TMEM132C: variants seen among roughly 807,000 people sequenced by gnomAD.
The protein encoded by TMEM132C is transmembrane protein 132C.
TMEM132C carries 29 observed loss-of-function variants against 61.4 expected under a neutral mutation model. The observed-to-expected ratio is 0.47, with a 90% CI of 0.35 to 0.64. TMEM132C has a LOEUF of 0.64. Among genes scored for constraint, TMEM132C ranks in the 30% least tolerant of loss-of-function variants. The pLI is 0.00. For missense variants in TMEM132C, 1,408 were observed against 1,476.9 expected (o/e 0.95, Z 0.76); for synonymous variants, 656 against 633.1 (o/e 1.04, Z -0.54).
chr12:128,472,211 G>T (rs528871857), intron 2 of TMEM132C, among the ~76,000 whole-genome samples: 17 of 152,074 alleles, frequency 1.1e-4, no homozygotes, highest in African/African-American at 4.1e-4. Flanking sequence ...CTATATTGAT[G>T]TTTGACACCA....
intron 1 of TMEM132C, among the ~76,000 whole-genome samples, chr12:128,270,770 T>C (rs149605128): frequency 4.9e-4 from 75 of 152,336 alleles, no homozygotes; most frequent in African/African-American, 1.7e-3. Context: ...CCTTACTGTG[T>C]TTTAGCCTCT....
chr12:128,512,516 C>A (rs1264707926), intron 2 of TMEM132C, among the ~76,000 whole-genome samples: 1 of 152,166 alleles, frequency 6.6e-6, no homozygotes, highest in Non-Finnish European at 1.5e-5. Flanking sequence ...GCAAGAGAAC[C>A]TGGGTGTTTC....
chr12:128,515,750 G>C (rs563030259), intron 2 of TMEM132C, among the ~76,000 whole-genome samples: 1 of 152,186 alleles, frequency 6.6e-6, no homozygotes, highest in South Asian at 2.1e-4. Context: ...CAGGAGAATG[G>C]CGTGAACCCG....
chr12:128,464,497 C>A (rs1029431764), intron 2 of TMEM132C, among the ~76,000 whole-genome samples: 3 of 152,148 alleles, frequency 2.0e-5, no homozygotes, highest in African/African-American at 4.8e-5. Context: ...CCTGTAATCC[C>A]AGGACTTTGG....
intron 2 of TMEM132C, among the ~76,000 whole-genome samples, chr12:128,417,158 T>C (rs1381578253): frequency 6.6e-6 from 1 of 152,188 alleles, no homozygotes; most frequent in Non-Finnish European, 1.5e-5. Context: ...AGTTTAATTT[T>C]TGGTAAGTCC....
intron 2 of TMEM132C, among the ~76,000 whole-genome samples, chr12:128,538,289 T>A (rs1873607724): frequency 7.3e-6 from 1 of 136,936 alleles, no homozygotes; most frequent in Admixed American, 7.3e-5. Context: ...CCTGGTTAAT[T>A]TTTTTTGTAT....
At position 128,705,341 on chromosome 12, in the gene TMEM132C, C is replaced by A. The variant is rs576931318; in HGVS notation, c.2373C>A (p.Gly791=). 1 of 1,551,412 alleles carries A rather than the reference C, an allele frequency of 6.4e-7. No homozygotes were observed. Among genetic ancestry groups the A allele is most frequent in the African/African-American group, 1.4e-5 (1 of 73,158 alleles). The part of the protein sequence containing the change: ...KSKRKSILAV[G]VGNVRVKFGQ... Reference sequence around the variant, plus strand: ...AACGCAAGAGCATCCTGGCTGTGGGCGTCGGCAACGTCAGGGTCAAGTTCG... The same window carrying A: ...AACGCAAGAGCATCCTGGCTGTGGGAGTCGGCAACGTCAGGGTCAAGTTCG... The change falls in exon 9 of 9, where the codon GGC becomes GGA. Residue 791 remains glycine (G), a synonymous_variant. Coordinates refer to ENST00000435159, the MANE Select transcript of TMEM132C (RefSeq NM_001136103.3).
chr12:128,623,333 A>G (rs1487866131), intron 4 of TMEM132C, among the ~76,000 whole-genome samples: 1 of 152,140 alleles, frequency 6.6e-6, no homozygotes, highest in African/African-American at 2.4e-5. Flanking sequence ...CTTAGAAAGT[A>G]AAGCTATGTT....
intron 1 of TMEM132C, among the ~76,000 whole-genome samples, chr12:128,327,211 T>A (rs1335421540): frequency 6.7e-6 from 1 of 150,088 alleles, no homozygotes; most frequent in Admixed American, 6.6e-5. Context: ...TCAGTTGTGA[T>A]GAAAATTAAA....
chr12:128,359,879 T>G (rs1183611727), intron 1 of TMEM132C, among the ~76,000 whole-genome samples: 5 of 152,224 alleles, frequency 3.3e-5, no homozygotes, highest in Admixed American at 2.0e-4. Flanking sequence ...ATAAAACTAA[T>G]TTGAAGCATG....
At chr12:128,655,263 C>A (rs1392387673) in intron 4 of TMEM132C, among the ~76,000 whole-genome samples, 1 of 152,098 alleles carries the variant, frequency 6.6e-6, no homozygotes, top group Non-Finnish European at 1.5e-5. Context: ...CCGCACTGTG[C>A]GGCACAGCCG....
chr12:128,526,956 C>T (rs1873106812), intron 2 of TMEM132C, among the ~76,000 whole-genome samples: 1 of 152,146 alleles, frequency 6.6e-6, no homozygotes, highest in South Asian at 2.1e-4. Context: ...ATAGAAAACA[C>T]CTAGACAGTG....
intron 1 of TMEM132C, among the ~76,000 whole-genome samples, chr12:128,344,919 G>A (rs1176451244): frequency 6.8e-6 from 1 of 147,790 alleles, no homozygotes; most frequent in African/African-American, 2.6e-5. Flanking sequence ...TAAAAAAGAT[G>A]AGTTTCTTTT....
chr12:128,510,823 C>T (rs1030635254), intron 2 of TMEM132C, among the ~76,000 whole-genome samples: 9 of 152,220 alleles, frequency 5.9e-5, no homozygotes, highest in Admixed American at 2.6e-4. Context: ...AGGGCAGCCT[C>T]GCCTGGCGAG....
At chr12:128,677,123 G>C (rs559740757) in intron 5 of TMEM132C, among the ~76,000 whole-genome samples, 1 of 152,286 alleles carries the variant, frequency 6.6e-6, no homozygotes, top group South Asian at 2.1e-4. Flanking sequence ...CTCATCTATG[G>C]GGTCCAAGCT....
rs373791897 is a variant in TMEM132C, at chr12:128,415,056, G to A, written c.410G>A (p.Arg137Gln). Reference protein sequence around the residue: ...FDWKLKAHILRDKVYLSRPKV... With the variant: ...FDWKLKAHILQDKVYLSRPKV... ...TGGAAACTAAAAGCCCACATCCTGC[G>A]GGACAAAGTCTACCTGAGCCGGCCC... The change falls in exon 2 of 9, where the codon CGG (arginine) becomes CAG (glutamine). Residue 137 changes from arginine (R) to glutamine (Q), a missense_variant. Coordinates refer to ENST00000435159, the MANE Select transcript of TMEM132C (RefSeq NM_001136103.3). This position sits in a 1 kb window ranked among gnomAD's most constrained non-coding sequence, Gnocchi z 5.8. 54 of 1,591,832 alleles carry A rather than the reference G, an allele frequency of 3.4e-5. No individual in the cohort carries two copies. Among genetic ancestry groups the A allele is most frequent in the East Asian group, 1.8e-4 (8 of 43,628 alleles).
At chr12:128,603,918 C>G (rs1247027704) in intron 3 of TMEM132C, among the ~76,000 whole-genome samples, 1 of 152,142 alleles carries the variant, frequency 6.6e-6, no homozygotes, top group Non-Finnish European at 1.5e-5. Context: ...GTGGTCAGGA[C>G]AGGGAAGAAC....
chr12:128,636,397 A>G (rs919178737), intron 4 of TMEM132C, among the ~76,000 whole-genome samples: 18 of 152,278 alleles, frequency 1.2e-4, no homozygotes, highest in African/African-American at 4.1e-4. Flanking sequence ...TAATTGATGT[A>G]TCAAAAATCT....
intron 3 of TMEM132C, among the ~76,000 whole-genome samples, chr12:128,597,859 G>A (rs1876027616): frequency 6.6e-6 from 1 of 152,306 alleles, no homozygotes; most frequent in Non-Finnish European, 1.5e-5. Flanking sequence ...ACTTCTATAG[G>A]GAGCAAACAT....
Sources: allele counts gnomAD v4.1 joint callset (sites outside exome capture counted in the v4.1 genomes callset), GRCh38; gene constraint gnomAD v4.1.1; non-coding constraint Gnocchi (gnomAD v3.1); transcripts MANE v1.5; gene names NCBI Gene and HGNC (gene_info 2026-07-23, HGNC 2026-07-21).